The following KCND2 variants were observed in gnomAD, a reference collection of about 807,000 sequenced individuals.
KCND2 encodes the protein A-type voltage-gated potassium channel KCND2.
Under a neutral mutation model 54.4 loss-of-function variants are expected in KCND2, and 16 were observed. The ratio of observed to expected loss-of-function variants is 0.29; its 90% CI spans 0.20 to 0.45. The LOEUF is 0.45. Among genes scored for constraint, KCND2 ranks in the 20% least tolerant of loss-of-function variants. The pLI, the probability that KCND2 is intolerant of heterozygous loss-of-function variation, is 1.00. For synonymous variants in KCND2, 317 were observed against 310.7 expected (o/e 1.02, Z -0.21); for missense variants, 486 against 824.2 (o/e 0.59, Z 5.02).
At chr7:120,636,077 T>G (rs1406498153) in intron 1 of KCND2, among the ~76,000 whole-genome samples, 1 of 152,184 alleles carries the variant, frequency 6.6e-6, no homozygotes, top group Non-Finnish European at 1.5e-5. Flanking sequence ...TTCCTGTACC[T>G]CCCTCTGATT....
chr7:120,421,876 A>C (rs2116136412), intron 1 of KCND2, among the ~76,000 whole-genome samples: 1 of 152,244 alleles, frequency 6.6e-6, no homozygotes, highest in South Asian at 2.1e-4. Flanking sequence ...CTGAAAGAAA[A>C]GTGTTCGGAG....
chr7:120,653,863 G>T (rs996682310), intron 1 of KCND2, among the ~76,000 whole-genome samples: 3 of 152,164 alleles, frequency 2.0e-5, no homozygotes, highest in African/African-American at 7.2e-5. Context: ...ATACAATGTA[G>T]ACAGAGCATT....
Position 120,388,543 on chromosome 7 carries a change from G to T in KCND2, c.1115+112796G>T, listed in dbSNP as rs1311351252. 2.0e-5 allele frequency among the ~76,000 whole-genome samples: 3 copies of T among 152,092 alleles called. No individual in the cohort carries two copies. The East Asian group carries it at 5.8e-4, about 30-fold the overall frequency. On this transcript the variant is annotated intron_variant, in intron 1 of 5. Transcript: ENST00000331113. ...ATAGAGATGGAGGTGGAACCCATTT[G>T]TGGTTCTTTCAGGGAAAGAACAAAA...
intron 1 of KCND2, among the ~76,000 whole-genome samples, chr7:120,349,327 AACACAC>A (rs145626165): frequency 3.5e-5 from 5 of 144,542 alleles, no homozygotes; most frequent in African/African-American, 7.8e-5. Context: ...CACACACACA[AACACAC>A]ACACACACAC....
intron 1 of KCND2, among the ~76,000 whole-genome samples, chr7:120,457,975 A>G (rs181180750): frequency 6.8e-4 from 103 of 152,316 alleles, no homozygotes; most frequent in African/African-American, 2.0e-3. Flanking sequence ...AAGAAGGGGA[A>G]GCAAACACTT....
At chr7:120,638,837 G>T (rs1331812311) in intron 1 of KCND2, among the ~76,000 whole-genome samples, 2 of 152,190 alleles carry the variant, frequency 1.3e-5, no homozygotes, top group Middle Eastern at 6.8e-3. Context: ...TAGTAAAGAT[G>T]TATAGATTAC....
chr7:120,340,025 AATC>A (rs1800218090), intron 1 of KCND2, among the ~76,000 whole-genome samples: 1 of 152,198 alleles, frequency 6.6e-6, no homozygotes, highest in Non-Finnish European at 1.5e-5. Context: ...AGTGGAGCCT[AATC>A]ATATTCACTG....
intron 1 of KCND2, among the ~76,000 whole-genome samples, chr7:120,612,834 G>A (rs948877812): frequency 7.2e-5 from 11 of 152,140 alleles, no homozygotes; most frequent in Non-Finnish European, 1.0e-4. Context: ...AGTTACTTTT[G>A]TAGTCACTGT....
chr7:120,280,150 CATA>C, intron 1 of KCND2, among the ~76,000 whole-genome samples: 1 of 151,984 alleles, frequency 6.6e-6, no homozygotes, highest in Non-Finnish European at 1.5e-5. Flanking sequence ...CATACTATGA[CATA>C]TTTGTGTAAA....
intron 1 of KCND2, among the ~76,000 whole-genome samples, chr7:120,382,029 A>G (rs1308581341): frequency 1.3e-5 from 2 of 152,016 alleles, no homozygotes; most frequent in Non-Finnish European, 2.9e-5. Flanking sequence ...TCCAGAATCC[A>G]ATCACATTTG....
chr7:120,437,306 G>A (rs1194755566), intron 1 of KCND2, among the ~76,000 whole-genome samples: 6 of 149,418 alleles, frequency 4.0e-5, no homozygotes, highest in East Asian at 2.0e-4. Flanking sequence ...AGATGCAAGC[G>A]ATTCTCCTGC....
chr7:120,501,556 T>C (rs766520593), intron 1 of KCND2, among the ~76,000 whole-genome samples: 18 of 152,296 alleles, frequency 1.2e-4, no homozygotes, highest in Non-Finnish European at 2.2e-4. Flanking sequence ...AAAATACTTA[T>C]AGTTTTGAAA....
intron 1 of KCND2, among the ~76,000 whole-genome samples, chr7:120,489,202 A>G (rs944036944): frequency 7.9e-5 from 12 of 152,072 alleles, no homozygotes; most frequent in East Asian, 7.7e-4. Flanking sequence ...ATTCTTACAT[A>G]AAAAAAGCCT....
At chr7:120,628,418 G>A (rs1053104225) in intron 1 of KCND2, among the ~76,000 whole-genome samples, 1 of 152,112 alleles carries the variant, frequency 6.6e-6, no homozygotes, top group African/African-American at 2.4e-5. Context: ...AGGGATCAAG[G>A]GAATATGTAC....
At chr7:120,548,928 G>C (rs1231992931) in intron 1 of KCND2, among the ~76,000 whole-genome samples, 1 of 152,092 alleles carries the variant, frequency 6.6e-6, no homozygotes, top group Non-Finnish European at 1.5e-5. Flanking sequence ...AAAGAGAGGT[G>C]CATAGCTCAT....
At chr7:120,529,426 A>C (rs778628933) in intron 1 of KCND2, among the ~76,000 whole-genome samples, 1 of 152,122 alleles carries the variant, frequency 6.6e-6, no homozygotes, top group Non-Finnish European at 1.5e-5. Flanking sequence ...CGTTTCTTCC[A>C]GTTGAGTTTG....
At chr7:120,309,472 TATACAC>T (rs1481132446) in intron 1 of KCND2, among the ~76,000 whole-genome samples, 40 of 122,596 alleles carry the variant, frequency 3.3e-4, no homozygotes, top group South Asian at 8.0e-4. Flanking sequence ...TATATATATA[TATACAC>T]ACACACACAC....
chr7:120,371,168 C>T (rs4730960), intron 1 of KCND2, among the ~76,000 whole-genome samples: 103,325 of 151,890 alleles, frequency 0.68, 38,924 homozygotes, highest in South Asian at 0.91. Flanking sequence ...CTCTGCCCAC[C>T]TTTCATTGGC....
In KCND2 at chr7:120,388,106, A is replaced by G. The variant is rs1801016882; in HGVS notation, c.1115+112359A>G. ...TGTTTACTAATTCTTGCTGGGAAAA[A>G]TAAATGGAAGTTTAGAGCATCTAGC... On this transcript the variant is annotated intron_variant, in intron 1 of 5. Transcript: ENST00000331113. 3.3e-5 allele frequency among the ~76,000 whole-genome samples: 5 copies of G among 152,182 alleles called. No individual in the cohort carries two copies. In the South Asian group the frequency reaches 1.0e-3, roughly 32 times the overall value.
Sources: allele counts gnomAD v4.1 joint callset (sites outside exome capture counted in the v4.1 genomes callset), GRCh38; gene constraint gnomAD v4.1.1; transcripts MANE v1.5; gene names NCBI Gene and HGNC (gene_info 2026-07-23, HGNC 2026-07-21).